The following ZWILCH variants were observed in gnomAD, a reference collection of about 807,000 sequenced individuals.
ZWILCH encodes zwilch kinetochore protein.
Under a neutral mutation model 79.9 loss-of-function variants are expected in ZWILCH, and 74 were observed. The observed-to-expected ratio is 0.93, with a 90% CI of 0.77 to 1.12. ZWILCH has a LOEUF of 1.12. Among genes scored for constraint, ZWILCH ranks in the 50% most tolerant of loss-of-function variants. ZWILCH has a pLI of 0.00. For missense variants in ZWILCH, 694 were observed against 687.5 expected, an observed-to-expected ratio of 1.01 and a Z score of -0.11; for synonymous variants, 241 against 228.2, an observed-to-expected ratio of 1.06 and a Z score of -0.51.
chr15:66,509,471 A>G (rs1475336308), intron 2 of ZWILCH, among the ~76,000 whole-genome samples: 2 of 152,152 alleles, frequency 1.3e-5, no homozygotes, highest in African/African-American at 4.8e-5. Context: ...AATGCATTTA[A>G]GATTCATCTA....
intron 2 of ZWILCH, 21 bp from the exon 3 acceptor site, chr15:66,513,966 TG>T (rs749783919): frequency 1.3e-6 from 2 of 1,574,142 alleles, no homozygotes; most frequent in Non-Finnish European, 1.7e-6. Flanking sequence ...TGTATAATGT[TG>T]CTCGATACCT....
At chr15:66,526,473 C>CT (rs146092879) in intron 8 of ZWILCH, among the ~76,000 whole-genome samples, 52 of 148,496 alleles carry the variant, frequency 3.5e-4, no homozygotes, top group South Asian at 1.1e-3. Flanking sequence ...CTTTTTCTTT[C>CT]TTTTTTTTTT....
chr15:66,519,146 T>C, intron 5 of ZWILCH, 68 bp downstream of exon 5: 17 of 1,495,162 alleles, frequency 1.1e-5, no homozygotes, highest in Non-Finnish European at 1.6e-5. Flanking sequence ...TTCATGTTTT[T>C]TTACGAAAAT....
intron 17 of ZWILCH, among the ~76,000 whole-genome samples, chr15:66,543,074 CTA>C (rs1403572434): frequency 6.6e-6 from 1 of 151,836 alleles, no homozygotes; most frequent in Non-Finnish European, 1.5e-5. Context: ...TGACATGTGC[CTA>C]TAATCCCAGC....
intron 17 of ZWILCH, among the ~76,000 whole-genome samples, chr15:66,543,551 G>A (rs1895260858): frequency 6.6e-6 from 1 of 152,152 alleles, no homozygotes; most frequent in Admixed American, 6.5e-5. Context: ...GAGCCTAAGA[G>A]TTCAAGACCA....
At chr15:66,531,298 C>T (rs912009322) in intron 12 of ZWILCH, among the ~76,000 whole-genome samples, 1 of 152,134 alleles carries the variant, frequency 6.6e-6, no homozygotes, top group African/African-American at 2.4e-5. Flanking sequence ...GGAAAAGATT[C>T]TCCTCTCAGC....
chr15:66,506,749 T>A (rs1207789636), intron 1 of ZWILCH, among the ~76,000 whole-genome samples: 1 of 151,982 alleles, frequency 6.6e-6, no homozygotes, highest in East Asian at 1.9e-4. Context: ...GCTGAGGCAA[T>A]AGGACTGCTT....
intron 2 of ZWILCH, among the ~76,000 whole-genome samples, chr15:66,512,422 A>ATT (rs546794689): frequency 3.5e-5 from 5 of 140,972 alleles, no homozygotes; most frequent in Non-Finnish European, 7.8e-5. Context: ...ATACCTGGCT[A>ATT]TTTTTTTTTT....
At chr15:66,510,976 T>TAA (rs1425327683) in intron 2 of ZWILCH, among the ~76,000 whole-genome samples, 2 of 152,182 alleles carry the variant, frequency 1.3e-5, no homozygotes, top group Non-Finnish European at 2.9e-5. Flanking sequence ...AAGTCACATT[T>TAA]ATAGGAACTG....
At chr15:66,538,426 A>G (rs1014646667) in intron 16 of ZWILCH, among the ~76,000 whole-genome samples, 11 of 150,846 alleles carry the variant, frequency 7.3e-5, no homozygotes, top group Non-Finnish European at 1.2e-4. Flanking sequence ...CTTATTTCCC[A>G]GGCTGGAGTG....
chr15:66,527,312 C>A lies in ZWILCH; in HGVS notation c.842C>A (p.Thr281Asn). 6.2e-7 allele frequency: 1 copy of A among 1,613,986 alleles called. No individual in the cohort carries two copies. The highest frequency in any genetic ancestry group is 8.5e-7 in the Non-Finnish European group (1 of 1,179,960). Residue 281 changes from threonine (T) to asparagine (N), a missense_variant, in exon 9 of 19, where the codon ACT (threonine) becomes AAT (asparagine). Coordinates refer to ENST00000307897, the MANE Select transcript of ZWILCH (RefSeq NM_017975.5). The stretch of plus-strand genomic sequence containing the variant: ...TAGGTTTTGGCTGATGGTTTGAGGA[C>A]TGGTGTCACTGAATGGCTCGAGCCC... ...FLLVLADGLR[T>N]GVTEWLEPLE... is the part of the protein sequence containing the mutation.
At position 66,521,080 on chromosome 15, in the gene ZWILCH, C is replaced by T; in HGVS notation, c.622C>T (p.Leu208Phe). Reference sequence around the variant, plus strand: ...ATCCAAAGGCTTTGCCCAGTATGAGCTCTTTAAGTCCTCTGCCTTGGATGA... The same window carrying T: ...ATCCAAAGGCTTTGCCCAGTATGAGTTCTTTAAGTCCTCTGCCTTGGATGA... ...VTSKGFAQYE[L>F]FKSSALDDTI... The change falls in exon 7 of 19, where the codon CTC becomes TTC. Residue 208 changes from leucine (L) to phenylalanine (F), a missense_variant. Coordinates refer to ENST00000307897, the MANE Select transcript of ZWILCH (RefSeq NM_017975.5). The T allele has an allele frequency of 6.2e-7, 1 of 1,614,166 alleles. No individual in the cohort carries two copies. The highest frequency in any genetic ancestry group is 1.3e-5 in the African/African-American group (1 of 75,058).
In ZWILCH at chr15:66,545,364, A is replaced by T. The variant is rs780308422; in HGVS notation, c.1688-1227A>T. Among the ~76,000 whole-genome samples the T allele has an allele frequency of 5.3e-5, 8 of 152,134 alleles. No individual in the cohort carries two copies. In the East Asian group the frequency reaches 1.2e-3, roughly 22 times the overall value. The stretch of plus-strand genomic sequence containing the variant: ...AGCAAAATTCTGTCTCCAAAAAAAT[A>T]AAGTAAATTTTATTTTGTAGAGATT... On this transcript the variant is annotated intron_variant, in intron 17 of 18. Transcript: ENST00000307897.
chr15:66,505,725 C>A (rs745985481), intron 1 of ZWILCH: 1 of 370,988 alleles, frequency 2.7e-6, no homozygotes, highest in Non-Finnish European at 4.9e-6. Flanking sequence ...GGCATCCTTC[C>A]CCTGTTTAAA....
At chr15:66,540,524 G>C (rs566437840) in intron 17 of ZWILCH, among the ~76,000 whole-genome samples, 3 of 151,772 alleles carry the variant, frequency 2.0e-5, no homozygotes, top group African/African-American at 7.3e-5. Flanking sequence ...CTGCACTCCA[G>C]CCTGGGCAAC....
In ZWILCH at chr15:66,508,627, C is replaced by T. The variant is rs549389767; in HGVS notation, c.54-214C>T. The T allele has an allele frequency of 4.4e-6, 4 of 900,230 alleles. No homozygotes were observed. In the South Asian group the frequency reaches 7.9e-5, roughly 18 times the overall value. 55.8% of individuals were successfully genotyped at this position (900,230 alleles called of 1,614,324 possible). A position where few individuals can be genotyped will look rare whatever the true frequency, so the allele number is the denominator to read the frequency against. On this transcript the variant is annotated intron_variant, in intron 1 of 18. Transcript: ENST00000307897. Reference sequence around the variant, plus strand: ...GGCAACAGTCTATTAATCTCTGTCACAGTTTTCTTTTTTGGTTCTCTTTTC... The same window carrying T: ...GGCAACAGTCTATTAATCTCTGTCATAGTTTTCTTTTTTGGTTCTCTTTTC...
In ZWILCH at chr15:66,529,491, A is replaced by G. The variant is rs762124153; in HGVS notation, c.1076-3A>G. ...ATAATGTTACACTGACTTGTTTTCC[A>G]AGGTGTGATTTCATACCAAGACTTG... On this transcript the variant is annotated splice_polypyrimidine_tract_variant and splice_region_variant and intron_variant, in intron 11 of 18. Transcript: ENST00000307897. 1.2e-6 allele frequency: 2 copies of G among 1,611,540 alleles called. No homozygotes were observed. Among genetic ancestry groups the G allele is most frequent in the Admixed American group, 3.3e-5 (2 of 59,948 alleles).
At chr15:66,512,991 C>T (rs1246587473) in intron 2 of ZWILCH, among the ~76,000 whole-genome samples, 1 of 152,116 alleles carries the variant, frequency 6.6e-6, no homozygotes, top group Non-Finnish European at 1.5e-5. Context: ...GATGTGGTTT[C>T]ACCAGTTTGA....
intron 8 of ZWILCH, among the ~76,000 whole-genome samples, chr15:66,524,816 CCTTT>C (rs1894617157): frequency 6.6e-6 from 1 of 152,132 alleles, no homozygotes; most frequent in Non-Finnish European, 1.5e-5. Flanking sequence ...ACCTTTCTCA[CCTTT>C]CTTCTTTCTT....
Sources: allele counts gnomAD v4.1 joint callset (sites outside exome capture counted in the v4.1 genomes callset), GRCh38; gene constraint gnomAD v4.1.1; transcripts MANE v1.5; gene names NCBI Gene and HGNC (gene_info 2026-07-23, HGNC 2026-07-21).